SETBP1: variants seen among roughly 807,000 people sequenced by gnomAD.
SETBP1 encodes the protein SET binding protein 1, also known as SET-binding protein.
A neutral mutation model predicts 101.0 loss-of-function variants in SETBP1; 9 were observed. The ratio of observed to expected loss-of-function variants is 0.09; its 90% CI spans 0.05 to 0.16. The LOEUF (loss-of-function observed/expected upper bound fraction) is 0.16, where lower values mean the gene tolerates loss of function less well. Ranked by LOEUF, SETBP1 falls within the 10% of genes least tolerant of loss-of-function variation. SETBP1 has a pLI of 1.00. For missense variants in SETBP1, 1,858 were observed against 2,033.8 expected, an observed-to-expected ratio of 0.91 and a Z score of 1.66; for synonymous variants, 818 against 788.5, an observed-to-expected ratio of 1.04 and a Z score of -0.63.
intron 2 of SETBP1, among the ~76,000 whole-genome samples, chr18:44,705,807 G>C (rs529079023): frequency 6.7e-4 from 102 of 152,274 alleles, no homozygotes; most frequent in Non-Finnish European, 9.1e-4. Flanking sequence ...TAAACCTAGG[G>C]CTAACTCTCC....
At position 45,067,266 on chromosome 18, in the gene SETBP1, T is replaced by C. The variant is rs2073980720; in HGVS notation, c.*3568T>C. On this transcript the variant is annotated 3_prime_UTR_variant, in exon 6 of 6. Coordinates refer to ENST00000649279, the MANE Select transcript of SETBP1 (RefSeq NM_015559.3). The stretch of plus-strand genomic sequence containing the variant: ...AGAATTATAGTATAAGGTGATGTAC[T>C]ACATGCAGATCATAAAGGCTTTGGT... 6.6e-6 allele frequency: 1 copy of C among 152,258 alleles called. No homozygotes were observed. Among genetic ancestry groups the C allele is most frequent in the African/African-American group, 2.4e-5 (1 of 41,474 alleles). The allele number at this position is 152,258 out of a possible 1,614,324, so 9.4% of individuals were successfully genotyped here.
At chr18:44,771,211 A>G (rs2070865139) in intron 2 of SETBP1, among the ~76,000 whole-genome samples, 1 of 146,148 alleles carries the variant, frequency 6.8e-6, no homozygotes, top group Admixed American at 7.0e-5. Flanking sequence ...ACTAGGAGTT[A>G]GGGACAGTCT....
chr18:44,744,777 A>AG (rs1555675759), intron 2 of SETBP1, among the ~76,000 whole-genome samples: 1 of 128,320 alleles, frequency 7.8e-6, no homozygotes, highest in Admixed American at 7.4e-5. Flanking sequence ...CTTAAAAAAA[A>AG]AAAAACAAAA....
At position 44,748,153 on chromosome 18, in the gene SETBP1, A is replaced by G. The variant is rs569532181; in HGVS notation, c.486+46321A>G. Among the ~76,000 whole-genome samples the G allele has an allele frequency of 1.2e-4, 19 of 152,226 alleles. No homozygotes were observed. In the South Asian group the frequency reaches 3.5e-3, roughly 28 times the overall value. ...CCCACTAGAGGAAGAAATGGAGGGA[A>G]AGATAGAAGAAAGGAAGGAAGGATG... On this transcript the variant is annotated intron_variant, in intron 2 of 5. Transcript: ENST00000649279.
At chr18:44,755,315 G>A (rs761891145) in intron 2 of SETBP1, among the ~76,000 whole-genome samples, 8 of 152,190 alleles carry the variant, frequency 5.3e-5, no homozygotes, top group Non-Finnish European at 7.3e-5. Context: ...GGGCATGTCT[G>A]AGGGTGTTTC....
intron 4 of SETBP1, among the ~76,000 whole-genome samples, chr18:44,993,843 C>T (rs2072434691): frequency 6.6e-6 from 1 of 151,814 alleles, no homozygotes. Flanking sequence ...GAGGACTTAC[C>T]CTACCACATA....
At chr18:44,881,448 A>C (rs1434885229) in intron 3 of SETBP1, among the ~76,000 whole-genome samples, 2 of 152,244 alleles carry the variant, frequency 1.3e-5, no homozygotes, top group East Asian at 3.8e-4. Context: ...AGAAAAGAGC[A>C]ATCAGCTAAA....
At chr18:44,855,413 T>C (rs2072955674) in intron 2 of SETBP1, among the ~76,000 whole-genome samples, 1 of 152,226 alleles carries the variant, frequency 6.6e-6, no homozygotes, top group African/African-American at 2.4e-5. Context: ...AAAGTCTGAC[T>C]ACCCTCACAC....
At chr18:44,794,836 C>A (rs1279329787) in intron 2 of SETBP1, among the ~76,000 whole-genome samples, 1 of 152,092 alleles carries the variant, frequency 6.6e-6, no homozygotes, top group Non-Finnish European at 1.5e-5. Flanking sequence ...CTATTGGTGG[C>A]AAAATGTGTC....
chr18:44,786,792 G>T (rs532361426), intron 2 of SETBP1, among the ~76,000 whole-genome samples: 1 of 152,314 alleles, frequency 6.6e-6, no homozygotes, highest in African/African-American at 2.4e-5. Flanking sequence ...GGTTTAGAGA[G>T]CCACACGGGA....
chr18:44,929,603 T>G (rs1199713731), intron 3 of SETBP1, among the ~76,000 whole-genome samples: 2 of 152,226 alleles, frequency 1.3e-5, no homozygotes, highest in Non-Finnish European at 2.9e-5. Flanking sequence ...TATCCTCTTT[T>G]ATTTCATTGA....
At position 45,063,683 on chromosome 18, in the gene SETBP1, C is replaced by CGAG; in HGVS notation, c.4778_4780dup (p.Glu1593dup). The CGAG allele has an allele frequency of 6.2e-7, 1 of 1,607,988 alleles. No individual in the cohort carries two copies. Among genetic ancestry groups the CGAG allele is most frequent in the East Asian group, 2.2e-5 (1 of 44,658 alleles). On this transcript the variant is annotated inframe_insertion, in exon 6 of 6. Transcript: ENST00000649279. Reference sequence around the variant, plus strand: ...AGAGGAAGTCCCGAGGGAGTGAGAGCGAGGTCCTTCCCTAGGGCGGGTCTG... The same window carrying CGAG: ...AGAGGAAGTCCCGAGGGAGTGAGAGCGAGGAGGTCCTTCCCTAGGGCGGGTCTG...
At chr18:45,036,872 A>G (rs1663773078) in intron 4 of SETBP1, among the ~76,000 whole-genome samples, 1 of 152,232 alleles carries the variant, frequency 6.6e-6, no homozygotes, top group Non-Finnish European at 1.5e-5. Flanking sequence ...AGGTGGACCA[A>G]TGTCATCCCT....
intron 1 of SETBP1, among the ~76,000 whole-genome samples, chr18:44,699,589 C>T (rs2069080074): frequency 1.3e-5 from 2 of 152,208 alleles, no homozygotes. Flanking sequence ...TGGCTGTTTT[C>T]AGTTTTGGCT....
At chr18:45,016,731 G>GCACACACA (rs60965207) in intron 4 of SETBP1, among the ~76,000 whole-genome samples, 36 of 122,860 alleles carry the variant, frequency 2.9e-4, no homozygotes, top group Non-Finnish European at 4.2e-4. Flanking sequence ...ATTGGTGCGC[G>GCACACACA]CACACACACA....
chr18:44,922,637 T>C (rs1007200649), intron 3 of SETBP1, among the ~76,000 whole-genome samples: 2 of 152,202 alleles, frequency 1.3e-5, no homozygotes, highest in African/African-American at 4.8e-5. Flanking sequence ...CTCCAGTTCT[T>C]TGGAGCAGCT....
intron 1 of SETBP1, among the ~76,000 whole-genome samples, chr18:44,682,509 C>A (rs745529628): frequency 6.6e-6 from 1 of 152,124 alleles, no homozygotes; most frequent in East Asian, 1.9e-4. Flanking sequence ...CTGGCTTCTA[C>A]CATCCTTAAA....
chr18:44,929,443 TTAAAG>T (rs1163311427), intron 3 of SETBP1, among the ~76,000 whole-genome samples: 1 of 152,140 alleles, frequency 6.6e-6, no homozygotes, highest in Non-Finnish European at 1.5e-5. Flanking sequence ...CATATGAACT[TTAAAG>T]TAGTTTTTTC....
intron 3 of SETBP1, among the ~76,000 whole-genome samples, chr18:44,923,184 G>A (rs1169835753): frequency 5.1e-5 from 6 of 117,774 alleles, no homozygotes; most frequent in Admixed American, 1.0e-4. Context: ...GAGAGATGAA[G>A]TGACTCACTG....
Sources: gnomAD v4.1 joint callset for allele counts (sites outside exome capture counted in the v4.1 genomes callset) on GRCh38, gnomAD v4.1.1 for gene constraint, MANE v1.5 for transcripts, NCBI Gene and HGNC (gene_info 2026-07-23, HGNC 2026-07-21) for gene names.